The following PRKG1 variants were observed in gnomAD, a reference collection of about 807,000 sequenced individuals.
PRKG1 encodes cGMP-dependent protein kinase 1.
In PRKG1, 35 loss-of-function variants were observed where a neutral mutation model predicts 88.1. The ratio of observed to expected loss-of-function variants is 0.40; its 90% CI spans 0.30 to 0.53. The LOEUF (loss-of-function observed/expected upper bound fraction) is 0.53. Ranked by LOEUF, PRKG1 falls within the 20% of genes least tolerant of loss-of-function variation. PRKG1 has a pLI of 0.59. For missense variants in PRKG1, 540 were observed against 839.8 expected (o/e 0.64, Z 4.41); for synonymous variants, 303 against 292.5 (o/e 1.04, Z -0.37).
intron 8 of PRKG1, among the ~76,000 whole-genome samples, chr10:52,159,887 T>C (rs1352074298): frequency 6.6e-6 from 1 of 151,914 alleles, no homozygotes; most frequent in South Asian, 2.1e-4. Context: ...ATTATTGCTG[T>C]TTGGTTTTCC....
At chr10:51,153,388 C>A in intron 2 of PRKG1, 58 bp downstream of exon 2, 1 of 1,477,018 alleles carries the variant, frequency 6.8e-7, no homozygotes, top group Non-Finnish European at 9.1e-7. Flanking sequence ...ATCTTATCAG[C>A]TGCACACAGA....
At chr10:51,480,112 T>A (rs886242445) in intron 3 of PRKG1, among the ~76,000 whole-genome samples, 2 of 152,146 alleles carry the variant, frequency 1.3e-5, no homozygotes, top group African/African-American at 4.8e-5. Context: ...GATGAGATCT[T>A]AAGGCATATA....
intron 1 of PRKG1, among the ~76,000 whole-genome samples, chr10:51,035,581 C>T (rs1280057700): frequency 6.6e-6 from 1 of 152,144 alleles, no homozygotes; most frequent in Non-Finnish European, 1.5e-5. Flanking sequence ...GGACACAGAG[C>T]GCTCCTTACT....
At chr10:52,003,737 T>G (rs1190490134) in intron 5 of PRKG1, among the ~76,000 whole-genome samples, 4 of 152,304 alleles carry the variant, frequency 2.6e-5, no homozygotes, top group African/African-American at 9.6e-5. Flanking sequence ...TGGATACATA[T>G]AGGAGACACA....
At position 51,669,180 on chromosome 10, in the gene PRKG1, G is replaced by A. The variant is rs142157182; in HGVS notation, c.593-135405G>A. 8.5e-5 allele frequency among the ~76,000 whole-genome samples: 13 copies of A among 152,220 alleles called. No homozygotes were observed. In the East Asian group the frequency reaches 1.5e-3, roughly 18 times the overall value. On this transcript the variant is annotated intron_variant, in intron 3 of 17. Transcript: ENST00000373980. ...TTTAACAAAATATCATAGACTGGGC[G>A]ACTTAAACAACAGCCATTTATTTTC...
At chr10:51,844,873 C>A (rs1358636374) in intron 4 of PRKG1, among the ~76,000 whole-genome samples, 2 of 152,128 alleles carry the variant, frequency 1.3e-5, no homozygotes, top group Non-Finnish European at 2.9e-5. Flanking sequence ...AGTTGCCTTG[C>A]CAGTGGATTA....
intron 5 of PRKG1, among the ~76,000 whole-genome samples, chr10:51,923,026 A>C (rs1003083136): frequency 6.6e-6 from 1 of 151,952 alleles, no homozygotes; most frequent in Non-Finnish European, 1.5e-5. Flanking sequence ...AGATTCATCT[A>C]TTTCTTCTTG....
Position 52,244,598 on chromosome 10 carries a change from C to T in PRKG1, c.1077-6972C>T, listed in dbSNP as rs114246473. Reference sequence around the variant, plus strand: ...TCTTCCTTTTTAAACGTGAAAATATCTTTTATTGGTTCAGTTTTCAATGCT... The same window carrying T: ...TCTTCCTTTTTAAACGTGAAAATATTTTTTATTGGTTCAGTTTTCAATGCT... On this transcript the variant is annotated intron_variant, in intron 9 of 17. Coordinates refer to ENST00000373980, the MANE Select transcript of PRKG1 (RefSeq NM_006258.4). Among the ~76,000 whole-genome samples the T allele has an allele frequency of 6.9e-3, 1,042 of 150,294 alleles. 14 individuals carry two copies. Among genetic ancestry groups the T allele is most frequent in the African/African-American group, 0.024 (989 of 41,062 alleles).
chr10:52,272,703 T>A (rs771393956), intron 12 of PRKG1, among the ~76,000 whole-genome samples: 14 of 152,118 alleles, frequency 9.2e-5, no homozygotes, highest in South Asian at 2.1e-4. Context: ...GCTTAGTCGA[T>A]CATAAAAATG....
chr10:51,378,857 A>G (rs1842865958), intron 2 of PRKG1, among the ~76,000 whole-genome samples: 1 of 152,224 alleles, frequency 6.6e-6, no homozygotes, highest in African/African-American at 2.4e-5. Context: ...ATAAGCACTT[A>G]GTAAATAGAG....
chr10:52,209,941 A>G (rs1195768805), intron 9 of PRKG1, among the ~76,000 whole-genome samples: 1 of 152,174 alleles, frequency 6.6e-6, no homozygotes, highest in Non-Finnish European at 1.5e-5. Context: ...CCATTTGCAA[A>G]TCAGAAATCT....
At chr10:51,546,431 T>C (rs1842446591) in intron 3 of PRKG1, among the ~76,000 whole-genome samples, 1 of 152,116 alleles carries the variant, frequency 6.6e-6, no homozygotes, top group African/African-American at 2.4e-5. Context: ...CGGTTTATCC[T>C]CTTGTACGTA....
At chr10:51,353,661 G>T in intron 2 of PRKG1, among the ~76,000 whole-genome samples, 1 of 152,188 alleles carries the variant, frequency 6.6e-6, no homozygotes, top group Non-Finnish European at 1.5e-5. Flanking sequence ...TGCTGGCGAG[G>T]ATGTGGAGAA....
Position 51,129,349 on chromosome 10 carries a change from G to A in PRKG1, c.312-23815G>A, listed in dbSNP as rs1589176696. 4.6e-5 allele frequency among the ~76,000 whole-genome samples: 7 copies of A among 152,176 alleles called. 2 individuals carry two copies. In the Middle Eastern group the frequency reaches 0.024, roughly 518 times the overall value. On this transcript the variant is annotated intron_variant, in intron 1 of 17. Coordinates refer to ENST00000373980, the MANE Select transcript of PRKG1 (RefSeq NM_006258.4). ...AATCCCAGCTACTCGGGAGGCTGAGGCATGATAATCGCTTGAACCCGAGAG... is the reference window on the plus strand; with the variant it reads ...AATCCCAGCTACTCGGGAGGCTGAGACATGATAATCGCTTGAACCCGAGAG...
At chr10:51,592,386 T>G (rs1416134727) in intron 3 of PRKG1, among the ~76,000 whole-genome samples, 1 of 152,164 alleles carries the variant, frequency 6.6e-6, no homozygotes, top group African/African-American at 2.4e-5. Context: ...GGTGTTTAAT[T>G]TCAGTTCTGA....
At chr10:51,586,314 G>A (rs1838171669) in intron 3 of PRKG1, among the ~76,000 whole-genome samples, 1 of 151,988 alleles carries the variant, frequency 6.6e-6, no homozygotes, top group South Asian at 2.1e-4. Context: ...TAAAAATGAT[G>A]GCATATGGAT....
At chr10:51,877,059 CT>C (rs1037165564) in intron 4 of PRKG1, among the ~76,000 whole-genome samples, 1 of 152,158 alleles carries the variant, frequency 6.6e-6, no homozygotes, top group African/African-American at 2.4e-5. Context: ...AAACAAAACA[CT>C]CTGGCAGAGT....
Position 51,628,992 on chromosome 10 carries a change from C to A in PRKG1, c.592+161156C>A, listed in dbSNP as rs976406888. Among the ~76,000 whole-genome samples, 502 of 147,014 alleles carry A rather than the reference C, an allele frequency of 3.4e-3. 2 individuals carry two copies. Among genetic ancestry groups the A allele is most frequent in the African/African-American group, 0.011 (449 of 39,866 alleles). On this transcript the variant is annotated intron_variant, in intron 3 of 17. Transcript: ENST00000373980. ...AAAAAAAAAAAAACAAAAACAAAAA[C>A]CAAAAAAACTGCAAGTTATGTTAGT...
intron 1 of PRKG1, among the ~76,000 whole-genome samples, chr10:51,144,580 G>A (rs1794485746): frequency 6.6e-6 from 1 of 151,996 alleles, no homozygotes; most frequent in African/African-American, 2.4e-5. Flanking sequence ...TTTCACTTTG[G>A]TTAAGAAGCT....
Sources: allele counts gnomAD v4.1 joint callset (sites outside exome capture counted in the v4.1 genomes callset), GRCh38; gene constraint gnomAD v4.1.1; transcripts MANE v1.5; gene names NCBI Gene and HGNC (gene_info 2026-07-23, HGNC 2026-07-21).